GPA33: variants seen among roughly 807,000 people sequenced by gnomAD.
GPA33 encodes glycoprotein A33.
Under a neutral mutation model 35.6 loss-of-function variants are expected in GPA33, and 27 were observed. The ratio of observed to expected loss-of-function variants is 0.76; its 90% confidence interval spans 0.56 to 1.04. GPA33 has a LOEUF of 1.04. Ranked by LOEUF, GPA33 falls within the 50% of genes least tolerant of loss-of-function variation. The probability of loss-of-function intolerance (pLI) is 0.00; values close to 1 mark genes in which losing one functional copy is unlikely to be tolerated. For synonymous variants in GPA33, 176 were observed against 164.0 expected, an observed-to-expected ratio of 1.07 and a Z score of -0.56; for missense variants, 428 against 411.9, an observed-to-expected ratio of 1.04 and a Z score of -0.34.
At chr1:167,085,436 C>G (rs1177916619) in intron 1 of GPA33, among the ~76,000 whole-genome samples, 1 of 152,218 alleles carries the variant, frequency 6.6e-6, no homozygotes, top group Non-Finnish European at 1.5e-5. Flanking sequence ...TGACCAGCAT[C>G]ACAATAGGCA....
chr1:167,073,538 G>A lies in GPA33; in HGVS notation c.45C>T (p.Val15=). 1 of 1,613,264 alleles carries A rather than the reference G, an allele frequency of 6.2e-7. No homozygotes were observed. Residue 15 remains valine, a splice_region_variant and synonymous_variant, in exon 2 of 7, where the codon GTC becomes GTT. Transcript: ENST00000367868. ...CAGAGATGGCATCGACGGTCACCCTGACTGGAAAGAAAGTAGGCAGTGGAA... is the reference window on the plus strand; with the variant it reads ...CAGAGATGGCATCGACGGTCACCCTAACTGGAAAGAAAGTAGGCAGTGGAA... ...MWPVLWTLCA[V]RVTVDAISVE...
rs750356719 is a variant in GPA33 at position 167,073,529 on chromosome 1, G to A, written c.54C>T (p.Thr18=). The stretch of plus-strand genomic sequence containing the variant: ...GAGTTTCCACAGAGATGGCATCGAC[G>A]GTCACCCTGACTGGAAAGAAAGTAG... The part of the protein sequence containing the change: ...VLWTLCAVRV[T]VDAISVETPQ... Residue 18 remains threonine, a synonymous_variant, in exon 2 of 7, where the codon ACC becomes ACT. Coordinates refer to ENST00000367868, the MANE Select transcript of GPA33 (RefSeq NM_005814.3). 1.4e-5 allele frequency: 23 copies of A among 1,613,466 alleles called. No individual in the cohort carries two copies. The highest frequency in any genetic ancestry group is 2.7e-5 in the African/African-American group (2 of 74,880).
At chr1:167,064,301 G>GA (rs1315729213) in intron 3 of GPA33, among the ~76,000 whole-genome samples, 3 of 131,924 alleles carry the variant, frequency 2.3e-5, no homozygotes, top group Non-Finnish European at 5.0e-5. Context: ...AGAAAGAAAA[G>GA]AAAAAAAGAA....
intron 2 of GPA33, among the ~76,000 whole-genome samples, chr1:167,073,018 A>G (rs1160584491): frequency 2.0e-5 from 3 of 152,076 alleles, no homozygotes; most frequent in Non-Finnish European, 2.9e-5. Context: ...AGAAATAGAA[A>G]AAAAAAACAA....
chr1:167,055,968 G>C, intron 4 of GPA33, 119 bp from the exon 5 acceptor site: 1 of 963,786 alleles, frequency 1.0e-6, no homozygotes, highest in Non-Finnish European at 1.6e-6. Flanking sequence ...TCTTCAGGCC[G>C]GAGCCCCATG....
chr1:167,061,024 T>A (rs1666427731), intron 4 of GPA33, among the ~76,000 whole-genome samples: 1 of 152,180 alleles, frequency 6.6e-6, no homozygotes, highest in South Asian at 2.1e-4. Context: ...ATGCTTCACA[T>A]CTACTTTTAT....
chr1:167,083,191 G>A (rs1038344792), intron 1 of GPA33, among the ~76,000 whole-genome samples: 18 of 152,340 alleles, frequency 1.2e-4, no homozygotes, highest in Middle Eastern at 3.4e-3. Context: ...GACACACTAA[G>A]TGACTTTCTC....
chr1:167,065,843 G>T (rs1666580283), intron 3 of GPA33, among the ~76,000 whole-genome samples: 1 of 152,172 alleles, frequency 6.6e-6, no homozygotes, highest in South Asian at 2.1e-4. Context: ...CAAAGTTCAA[G>T]GCCGGGCCTC....
chr1:167,071,674 C>T (rs1666724871), intron 2 of GPA33, among the ~76,000 whole-genome samples: 1 of 152,184 alleles, frequency 6.6e-6, no homozygotes, highest in African/African-American at 2.4e-5. Flanking sequence ...CCCAATTCTG[C>T]TCTTTTCTGA....
chr1:167,082,041 A>G (rs945426215), intron 1 of GPA33, among the ~76,000 whole-genome samples: 1 of 152,174 alleles, frequency 6.6e-6, no homozygotes, highest in Non-Finnish European at 1.5e-5. Flanking sequence ...AAAACCAGGA[A>G]AAGAGATTTA....
At chr1:167,071,651 G>A (rs1158236244) in intron 2 of GPA33, among the ~76,000 whole-genome samples, 1 of 152,140 alleles carries the variant, frequency 6.6e-6, no homozygotes, top group African/African-American at 2.4e-5. Flanking sequence ...TCAGTCCATG[G>A]ATACCGGTCC....
intron 4 of GPA33, among the ~76,000 whole-genome samples, chr1:167,056,318 C>A (rs1330331063): frequency 6.6e-6 from 1 of 152,288 alleles, no homozygotes; most frequent in East Asian, 1.9e-4. Context: ...CTTTTATGAT[C>A]TTCAGAAACC....
chr1:167,090,140 G>T, intron 1 of GPA33, 105 bp downstream of exon 1: 2 of 838,166 alleles, frequency 2.4e-6, no homozygotes, highest in Non-Finnish European at 4.1e-6. Context: ...CAGCTGTGTT[G>T]CTGGAGGCCC....
At chr1:167,084,375 T>C (rs934630876) in intron 1 of GPA33, among the ~76,000 whole-genome samples, 1 of 152,134 alleles carries the variant, frequency 6.6e-6, no homozygotes. Context: ...AAAGTGATGA[T>C]CTGAATTTGT....
At chr1:167,086,547 A>G (rs1209195963) in intron 1 of GPA33, among the ~76,000 whole-genome samples, 1 of 152,216 alleles carries the variant, frequency 6.6e-6, no homozygotes, top group Admixed American at 6.5e-5. Context: ...CCACACGAAC[A>G]TGGCACTTCA....
intron 4 of GPA33, 76 bp from the exon 5 acceptor site, chr1:167,055,925 C>T: frequency 6.6e-7 from 1 of 1,505,130 alleles, no homozygotes; most frequent in Non-Finnish European, 9.2e-7. Flanking sequence ...GAGGTCTGGA[C>T]TCCTTGGGAA....
chr1:167,061,838 G>C (rs1378801716), intron 4 of GPA33, among the ~76,000 whole-genome samples: 1 of 152,030 alleles, frequency 6.6e-6, no homozygotes, highest in South Asian at 2.1e-4. Context: ...TCCTGACCTC[G>C]TGATCCGCCT....
chr1:167,068,553 G>GC (rs1279526417), intron 3 of GPA33, among the ~76,000 whole-genome samples: 1 of 152,158 alleles, frequency 6.6e-6, no homozygotes, highest in African/African-American at 2.4e-5. Flanking sequence ...TCATGATGTG[G>GC]CCCCCTGAGC....
chr1:167,072,748 TAA>T (rs1215414568), intron 2 of GPA33, among the ~76,000 whole-genome samples: 3 of 152,160 alleles, frequency 2.0e-5, no homozygotes, highest in Non-Finnish European at 4.4e-5. Context: ...CAAGATGTAT[TAA>T]GAGTCGAATG....
Sources: gnomAD v4.1 joint callset for allele counts (sites outside exome capture counted in the v4.1 genomes callset) on GRCh38, gnomAD v4.1.1 for gene constraint, MANE v1.5 for transcripts, NCBI Gene and HGNC (gene_info 2026-07-23, HGNC 2026-07-21) for gene names.